The following NXPE2 variants were observed in gnomAD, a reference collection of about 807,000 sequenced individuals.
NXPE2 encodes the protein neurexophilin and PC-esterase domain family member 2.
In NXPE2, 34 loss-of-function variants were observed where a neutral mutation model predicts 34.4. That is an observed-to-expected ratio of 0.99 (90% CI 0.75 to 1.31). The LOEUF (loss-of-function observed/expected upper bound fraction) is 1.31, where lower values mean the gene tolerates loss of function less well. Ranked by LOEUF, NXPE2 falls within the 40% of genes most tolerant of loss-of-function variation. The pLI is 0.00. For missense variants in NXPE2, 649 were observed against 672.5 expected (o/e 0.97, Z 0.39); for synonymous variants, 235 against 231.3 (o/e 1.02, Z -0.15).
At chr11:114,790,018 C>T in the NXPE2 span, among the ~76,000 whole-genome samples, 1 of 152,168 alleles carries the variant, frequency 6.6e-6, no homozygotes, top group South Asian at 2.1e-4. Flanking sequence ...TTCTCTGAGT[C>T]AGATATGCAC....
chr11:114,608,394 G>A, the NXPE2 span, among the ~76,000 whole-genome samples: 1 of 151,922 alleles, frequency 6.6e-6, no homozygotes, highest in Non-Finnish European at 1.5e-5. Context: ...TTGCCTCATG[G>A]GTAACCACTG....
At chr11:114,733,521 A>T in the NXPE2 span, among the ~76,000 whole-genome samples, 1 of 152,180 alleles carries the variant, frequency 6.6e-6, no homozygotes, top group Non-Finnish European at 1.5e-5. Flanking sequence ...GAAACCATAA[A>T]TATACTTCAA....
chr11:114,645,732 T>G, the NXPE2 span, among the ~76,000 whole-genome samples: 7 of 152,134 alleles, frequency 4.6e-5, no homozygotes, highest in Admixed American at 3.3e-4. Context: ...TCATATAAAG[T>G]GATATTTGAA....
At chr11:114,764,752 TA>T in the NXPE2 span, among the ~76,000 whole-genome samples, 3 of 152,302 alleles carry the variant, frequency 2.0e-5, no homozygotes, top group East Asian at 5.8e-4. Context: ...TGGGCTAAGT[TA>T]TGATGCAATA....
the NXPE2 span, among the ~76,000 whole-genome samples, chr11:114,542,575 G>A: frequency 3.9e-5 from 6 of 152,108 alleles, no homozygotes; most frequent in African/African-American, 1.4e-4. Context: ...GGGGGAGTGG[G>A]GAGAGCTATG....
the NXPE2 span, among the ~76,000 whole-genome samples, chr11:114,771,121 C>T: frequency 6.6e-6 from 1 of 151,916 alleles, no homozygotes; most frequent in Admixed American, 6.6e-5. Flanking sequence ...CCTATCAAGA[C>T]TTGCAGCACT....
chr11:114,724,749 A>G, the NXPE2 span, among the ~76,000 whole-genome samples: 2 of 151,308 alleles, frequency 1.3e-5, no homozygotes, highest in South Asian at 4.2e-4. Context: ...TAGTCTGTTG[A>G]CCTCACTGTG....
chr11:114,506,974 G>A, the NXPE2 span, among the ~76,000 whole-genome samples: 12 of 151,648 alleles, frequency 7.9e-5, no homozygotes, highest in Non-Finnish European at 1.8e-4. Flanking sequence ...TAATAAAATA[G>A]ACCACTAGCT....
the NXPE2 span, chr11:114,552,775 C>A: frequency 1.8e-6 from 1 of 544,478 alleles, no homozygotes; most frequent in Non-Finnish European, 2.3e-6. Context: ...ATTGCTATTG[C>A]ACTTTTATAA....
chr11:114,541,785 G>A, the NXPE2 span, among the ~76,000 whole-genome samples: 1 of 152,102 alleles, frequency 6.6e-6, no homozygotes, highest in Non-Finnish European at 1.5e-5. Context: ...AAAAATCAGA[G>A]CTTAGTCCTC....
chr11:114,713,206 A>C, the NXPE2 span, among the ~76,000 whole-genome samples: 1 of 152,298 alleles, frequency 6.6e-6, no homozygotes, highest in African/African-American at 2.4e-5. Context: ...CAACCATGTG[A>C]ATATACTTAA....
intron 3 of NXPE2, among the ~76,000 whole-genome samples, chr11:114,699,752 A>T (rs1951329752): frequency 6.6e-6 from 1 of 151,732 alleles, no homozygotes; most frequent in African/African-American, 2.4e-5. Flanking sequence ...TTAAGTTGTA[A>T]GCTCTGCGAG....
the NXPE2 span, among the ~76,000 whole-genome samples, chr11:114,602,070 A>G: frequency 1.0e-5 from 1 of 95,990 alleles, no homozygotes; most frequent in South Asian, 3.3e-4. Flanking sequence ...ATTATAATAT[A>G]TATTCTATAT....
At chr11:114,795,361 T>C in the NXPE2 span, among the ~76,000 whole-genome samples, 1 of 152,174 alleles carries the variant, frequency 6.6e-6, no homozygotes, top group African/African-American at 2.4e-5. Context: ...CTCAACTGGT[T>C]TCCCAGTCAG....
At chr11:114,707,694 C>T (rs1951500091), downstream of NXPE2, 1 of 162,638 alleles carries the variant, frequency 6.1e-6, no homozygotes, top group East Asian at 1.9e-4. Context: ...AATAACTCCC[C>T]ATTCGCTCCT....
At chr11:114,626,776 A>C in the NXPE2 span, among the ~76,000 whole-genome samples, 4 of 152,286 alleles carry the variant, frequency 2.6e-5, no homozygotes, top group African/African-American at 9.6e-5. Context: ...TTTGAAAAAA[A>C]TTTAGAATAA....
At chr11:114,633,282 T>C in the NXPE2 span, among the ~76,000 whole-genome samples, 1 of 138,944 alleles carries the variant, frequency 7.2e-6, no homozygotes, top group South Asian at 2.2e-4. Context: ...TATTATGTTA[T>C]ATTATAAAAT....
At chr11:114,718,755 T>A in the NXPE2 span, among the ~76,000 whole-genome samples, 1 of 152,130 alleles carries the variant, frequency 6.6e-6, no homozygotes, top group South Asian at 2.1e-4. Flanking sequence ...ATACTTGATG[T>A]GTGTATGTTT....
the NXPE2 span, among the ~76,000 whole-genome samples, chr11:114,601,884 T>TATATATTATACTTATATATATTATATAA: frequency 6.3e-5 from 1 of 15,796 alleles, no homozygotes; most frequent in Non-Finnish European, 8.5e-5. Flanking sequence ...TTATATATAA[T>TATATATTATACTTATATATATTATATAA]TATATATTAT....
Sources: gnomAD v4.1 joint callset for allele counts (sites outside exome capture counted in the v4.1 genomes callset) on GRCh38, gnomAD v4.1.1 for gene constraint, MANE v1.5 for transcripts, NCBI Gene and HGNC (gene_info 2026-07-23, HGNC 2026-07-21) for gene names.